Variants in SHANK2 observed in about 807,000 individuals in gnomAD.
SHANK2 encodes SH3 and multiple ankyrin repeat domains protein 2.
In SHANK2, 43 loss-of-function variants were observed where a neutral mutation model predicts 133.7. The observed-to-expected ratio is 0.32, with a 90% CI of 0.25 to 0.41. The LOEUF is 0.41. Ranked by LOEUF, SHANK2 falls within the 10% of genes least tolerant of loss-of-function variation. SHANK2 has a pLI of 1.00. For missense variants in SHANK2, 1,994 were observed against 2,235.8 expected, an observed-to-expected ratio of 0.89 and a Z score of 2.18; for synonymous variants, 1,017 against 952.8, an observed-to-expected ratio of 1.07 and a Z score of -1.24.
At chr11:71,090,088 CGTGT>C (rs1302645293) in intron 8 of SHANK2, among the ~76,000 whole-genome samples, 228 of 140,444 alleles carry the variant, frequency 1.6e-3, no homozygotes, top group Non-Finnish European at 2.4e-3. Flanking sequence ...AGACACAGAA[CGTGT>C]GTGTGTGTGT....
At chr11:70,808,624 C>T (rs1159991239) in intron 12 of SHANK2, among the ~76,000 whole-genome samples, 2 of 150,598 alleles carry the variant, frequency 1.3e-5, no homozygotes, top group Non-Finnish European at 2.9e-5. Context: ...GGTTCTCGCT[C>T]CTTGGGAGGC....
At chr11:70,863,317 A>T (rs1403022827) in intron 11 of SHANK2, 2 of 458,026 alleles carry the variant, frequency 4.4e-6, no homozygotes, top group Non-Finnish European at 8.8e-6. Flanking sequence ...AGCTGATGGC[A>T]CAACTGCCCA....
chr11:70,740,588 C>T (rs1432963059), intron 14 of SHANK2, among the ~76,000 whole-genome samples: 3 of 152,144 alleles, frequency 2.0e-5, no homozygotes, highest in Non-Finnish European at 4.4e-5. Flanking sequence ...TCCTGTTCCT[C>T]CCCCTCACCC....
chr11:70,876,288 G>A (rs186825532), intron 11 of SHANK2, among the ~76,000 whole-genome samples: 5,794 of 123,434 alleles, frequency 0.047, 165 homozygotes, highest in Middle Eastern at 0.13. Context: ...TTGGCTGGGT[G>A]CGGTGGCTCA....
rs192445250 is a variant in SHANK2, at chr11:70,669,830, A to G, written c.1854-8152T>C. Reference sequence around the variant, plus strand: ...CGGAGGGCAGGTGTTCCCACCTTGCAAGAATCCTTGGGTGTGCTGATGGCG... The same window carrying G: ...CGGAGGGCAGGTGTTCCCACCTTGCGAGAATCCTTGGGTGTGCTGATGGCG... On this transcript the variant is annotated intron_variant, in intron 15 of 25. Transcript: ENST00000601538. 1.4e-3 allele frequency among the ~76,000 whole-genome samples: 211 copies of G among 152,360 alleles called. 1 individual carries two copies. Among genetic ancestry groups the G allele is most frequent in the Non-Finnish European group, 2.2e-3 (147 of 68,024 alleles).
At chr11:70,724,867 A>T (rs1946148236) in intron 14 of SHANK2, among the ~76,000 whole-genome samples, 1 of 152,236 alleles carries the variant, frequency 6.6e-6, no homozygotes, top group Non-Finnish European at 1.5e-5. Context: ...CTCTAGTCAG[A>T]AGAAGCAACT....
chr11:70,522,641 G>A (rs2059345045), intron 17 of SHANK2, among the ~76,000 whole-genome samples: 1 of 152,192 alleles, frequency 6.6e-6, no homozygotes. Flanking sequence ...CCCCTTACCC[G>A]GCTCCAGCTC....
At chr11:71,107,566 G>A (rs112068865) in intron 6 of SHANK2, among the ~76,000 whole-genome samples, 2,440 of 152,254 alleles carry the variant, frequency 0.016, 61 homozygotes, top group East Asian at 0.056. Flanking sequence ...ACTCAGTTCC[G>A]GGGAAAGTGG....
chr11:70,679,744 G>A (rs1944985668), intron 15 of SHANK2, among the ~76,000 whole-genome samples: 1 of 152,212 alleles, frequency 6.6e-6, no homozygotes, highest in African/African-American at 2.4e-5. Context: ...GATGTCTGTG[G>A]CCTGAGCAAC....
Position 70,830,890 on chromosome 11 carries a change from G to A in SHANK2, c.1175-10208C>T, listed in dbSNP as rs1455350118. Among the ~76,000 whole-genome samples the A allele has an allele frequency of 1.3e-5, 2 of 152,190 alleles. No individual in the cohort carries two copies. Among genetic ancestry groups the A allele is most frequent in the African/African-American group, 4.8e-5 (2 of 41,450 alleles). ...CCCACATAGGTTTCCACGCATTGGAGCCCAAATGCCCACAGCATGGCTGAG... is the reference window on the plus strand; with the variant it reads ...CCCACATAGGTTTCCACGCATTGGAACCCAAATGCCCACAGCATGGCTGAG... On this transcript the variant is annotated intron_variant, in intron 11 of 25. Coordinates refer to ENST00000601538, the MANE Select transcript of SHANK2 (RefSeq NM_012309.5). The surrounding 1 kb of genome is among the most constrained non-coding windows in gnomAD (Gnocchi z 4.4).
At chr11:70,840,476 AG>A (rs1321128427) in intron 11 of SHANK2, among the ~76,000 whole-genome samples, 1 of 152,228 alleles carries the variant, frequency 6.6e-6, no homozygotes, top group African/African-American at 2.4e-5. Flanking sequence ...AGCTCTGAGG[AG>A]CATCCTTGTC....
chr11:70,880,405 A>G lies in SHANK2; in HGVS notation c.1174+16096T>C, dbSNP rs73525318. Among the ~76,000 whole-genome samples, 404 of 152,286 alleles carry G rather than the reference A, an allele frequency of 2.7e-3. 1 individual carries two copies. Among genetic ancestry groups the G allele is most frequent in the African/African-American group, 9.5e-3 (396 of 41,560 alleles). On this transcript the variant is annotated intron_variant, in intron 11 of 25. Transcript: ENST00000601538. ...TGGATGGAGGTGCGCTGAGAAAAGG[A>G]ACACCCTGAACAGAGGACTGAAAGA...
At chr11:70,644,142 T>G (rs1264188545) in intron 17 of SHANK2, among the ~76,000 whole-genome samples, 1 of 152,216 alleles carries the variant, frequency 6.6e-6, no homozygotes, top group Non-Finnish European at 1.5e-5. Context: ...ACATTGCTTT[T>G]TTAAAAATTC....
At chr11:70,729,588 G>A (rs1462592499) in intron 14 of SHANK2, among the ~76,000 whole-genome samples, 5 of 150,236 alleles carry the variant, frequency 3.3e-5, no homozygotes, top group South Asian at 2.1e-4. Flanking sequence ...GCAGTGGTGC[G>A]ATCTCGGCTC....
In SHANK2 at chr11:70,473,436, G is replaced by A. The variant is rs781895977; in HGVS notation, c.4983C>T (p.Ser1661=). 1.9e-5 allele frequency: 31 copies of A among 1,602,358 alleles called. No individual in the cohort carries two copies. Among genetic ancestry groups the A allele is most frequent in the Non-Finnish European group, 2.6e-5 (31 of 1,179,880 alleles). The change falls in exon 26 of 26, where the codon AGC becomes AGT. Residue 1661 remains serine, a synonymous_variant. Coordinates refer to ENST00000601538, the MANE Select transcript of SHANK2 (RefSeq NM_012309.5). This position sits in a 1 kb window ranked among gnomAD's most constrained non-coding sequence, Gnocchi z 5.9. ...CTGAGATGGTGCTCATGATCTCCGG[G>A]CTTCTGAAACAGCAACACAGAGAAA... ...GAKSASLAPR[S]PEIMSTISGT...
At chr11:70,836,352 G>A (rs552755847) in intron 11 of SHANK2, among the ~76,000 whole-genome samples, 5 of 152,318 alleles carry the variant, frequency 3.3e-5, no homozygotes, top group Admixed American at 2.0e-4. Context: ...CCTCAGGCAC[G>A]TGGCTGTGCC....
chr11:70,654,824 G>C (rs1555011126), intron 17 of SHANK2, among the ~76,000 whole-genome samples: 1 of 150,472 alleles, frequency 6.6e-6, no homozygotes, highest in African/African-American at 2.5e-5. Flanking sequence ...CTGGAGTGCA[G>C]TGGCGTGATC....
chr11:71,208,225 G>A (rs1484640665), intron 2 of SHANK2, among the ~76,000 whole-genome samples: 1 of 152,126 alleles, frequency 6.6e-6, no homozygotes, highest in East Asian at 1.9e-4. Flanking sequence ...TGAGCTGGAA[G>A]TGGGCATTGC....
chr11:71,128,887 C>A (rs1378716476), intron 3 of SHANK2, among the ~76,000 whole-genome samples: 1 of 152,202 alleles, frequency 6.6e-6, no homozygotes, highest in African/African-American at 2.4e-5. Context: ...TGGGTTCAAG[C>A]AATTCTCTTG....
Sources: allele counts gnomAD v4.1 joint callset (sites outside exome capture counted in the v4.1 genomes callset), GRCh38; gene constraint gnomAD v4.1.1; non-coding constraint Gnocchi (gnomAD v3.1); transcripts MANE v1.5; gene names NCBI Gene and HGNC (gene_info 2026-07-23, HGNC 2026-07-21).